The following PLEKHA2 variants were observed in gnomAD, a reference collection of about 807,000 sequenced individuals.
PLEKHA2 encodes the protein pleckstrin homology domain containing A2.
PLEKHA2 carries 28 observed loss-of-function variants against 53.2 expected under a neutral mutation model. That is an observed-to-expected ratio of 0.53 (90% CI 0.39 to 0.72). The LOEUF is 0.72. Ranked by LOEUF, PLEKHA2 falls within the 30% of genes least tolerant of loss-of-function variation. The pLI is 0.00. For missense variants in PLEKHA2, 426 were observed against 537.9 expected (o/e 0.79, Z 2.06); for synonymous variants, 193 against 196.4 (o/e 0.98, Z 0.14).
At chr8:38,953,437 C>T in intron 9 of PLEKHA2, 70 bp downstream of exon 9, 5 of 1,372,480 alleles carry the variant, frequency 3.6e-6, no homozygotes, top group South Asian at 1.2e-5. Context: ...CTTTACTACC[C>T]TTCAGAGACT....
At position 38,954,730 on chromosome 8, in the gene PLEKHA2, A is replaced by T. The variant is rs370886867; in HGVS notation, c.773+1363A>T. ...ATGTAGCCTGGTGCCGTTTTAAAAA[A>T]ATATATATCTTTTTAGGCCGGGCGT... On this transcript the variant is annotated intron_variant, in intron 9 of 11. Transcript: ENST00000617275. Among the ~76,000 whole-genome samples the T allele has an allele frequency of 5.5e-3, 842 of 152,260 alleles. 3 individuals carry two copies. The highest frequency in any genetic ancestry group is 8.8e-3 in the African/African-American group (365 of 41,562).
chr8:38,921,489 T>C (rs1834193097), intron 2 of PLEKHA2, among the ~76,000 whole-genome samples: 1 of 152,194 alleles, frequency 6.6e-6, no homozygotes, highest in South Asian at 2.1e-4. Flanking sequence ...TGGCACCATC[T>C]TGGAACTTGA....
intron 1 of PLEKHA2, among the ~76,000 whole-genome samples, chr8:38,914,630 C>T (rs1834004046): frequency 6.6e-6 from 1 of 152,204 alleles, no homozygotes; most frequent in African/African-American, 2.4e-5. Flanking sequence ...TGGGGTCTGA[C>T]CTTGAAAGTC....
At chr8:38,903,938 T>A (rs760378918) in intron 1 of PLEKHA2, among the ~76,000 whole-genome samples, 2 of 152,206 alleles carry the variant, frequency 1.3e-5, no homozygotes, top group Non-Finnish European at 2.9e-5. Context: ...CCGTTTTCCA[T>A]CTGTCTCAGT....
intron 9 of PLEKHA2, 77 bp from the exon 10 acceptor site, chr8:38,957,246 A>C: frequency 8.6e-7 from 1 of 1,157,312 alleles, no homozygotes; most frequent in Non-Finnish European, 1.3e-6. Flanking sequence ...GGTAGAGGGC[A>C]CTGGGGTCTT....
chr8:38,937,318 C>T (rs1834514635), intron 3 of PLEKHA2, among the ~76,000 whole-genome samples: 1 of 152,188 alleles, frequency 6.6e-6, no homozygotes, highest in South Asian at 2.1e-4. Context: ...CTCCCCGGGC[C>T]AGAGCAGCCA....
chr8:38,936,544 G>T (rs1226817837), intron 3 of PLEKHA2, among the ~76,000 whole-genome samples: 2 of 152,234 alleles, frequency 1.3e-5, no homozygotes, highest in Admixed American at 6.5e-5. Context: ...GCCCTGAGAA[G>T]CCACTCAGAT....
chr8:38,957,629 G>T (rs1289573643), intron 10 of PLEKHA2, among the ~76,000 whole-genome samples: 1 of 152,218 alleles, frequency 6.6e-6, no homozygotes, highest in Non-Finnish European at 1.5e-5. Context: ...GTGTGTACCA[G>T]TTGCTCTCAG....
chr8:38,964,184 C>G (rs1286982014), intron 10 of PLEKHA2, among the ~76,000 whole-genome samples: 1 of 152,004 alleles, frequency 6.6e-6, no homozygotes, highest in Non-Finnish European at 1.5e-5. Context: ...AAGCTTTATC[C>G]CCAAAGATGT....
chr8:38,969,298 G>A, intron 11 of PLEKHA2, 123 bp from the exon 12 acceptor site: 1 of 1,176,688 alleles, frequency 8.5e-7, no homozygotes, highest in African/African-American at 1.6e-5. Flanking sequence ...ATTTTTGTAG[G>A]CAAGCATCCT....
chr8:38,932,890 G>T (rs899942568), intron 2 of PLEKHA2, among the ~76,000 whole-genome samples: 57 of 152,324 alleles, frequency 3.7e-4, no homozygotes, highest in African/African-American at 1.3e-3. Flanking sequence ...ACTGTGGGTG[G>T]GGTGTGGGTG....
At chr8:38,908,873 G>A (rs1019574480) in intron 1 of PLEKHA2, among the ~76,000 whole-genome samples, 7 of 152,146 alleles carry the variant, frequency 4.6e-5, no homozygotes, top group African/African-American at 4.8e-5. Context: ...GGCCAGGCGC[G>A]GTGGCTCACG....
chr8:38,952,569 A>G (rs1016085143), intron 7 of PLEKHA2, 67 bp from the exon 8 acceptor site: 87 of 1,520,610 alleles, frequency 5.7e-5, no homozygotes, highest in Admixed American at 9.2e-5. Context: ...GGAGCTTAGC[A>G]TGAGTACACC....
In PLEKHA2 at chr8:38,973,538, T is replaced by C. The variant is rs186707064; in HGVS notation, c.*3755T>C. On this transcript the variant is annotated 3_prime_UTR_variant, in exon 12 of 12. Coordinates refer to ENST00000617275, the MANE Select transcript of PLEKHA2 (RefSeq NM_021623.2). Reference sequence around the variant, plus strand: ...CCAAGTGAGCTTTGTTTATAAACTTTCAAAATGTCGGAAGTGGACAGGTTT... The same window carrying C: ...CCAAGTGAGCTTTGTTTATAAACTTCCAAAATGTCGGAAGTGGACAGGTTT... 12 of 151,752 alleles carry C rather than the reference T, an allele frequency of 7.9e-5. No homozygotes were observed. The highest frequency in any genetic ancestry group is 1.2e-4 in the Non-Finnish European group (8 of 67,968). The allele number at this position is 151,752 out of a possible 1,614,324, so 9.4% of individuals were successfully genotyped here. A position where few individuals can be genotyped will look rare whatever the true frequency, so the allele number is the denominator to read the frequency against.
chr8:38,918,359 T>C (rs1046117383), intron 2 of PLEKHA2, among the ~76,000 whole-genome samples: 6 of 131,270 alleles, frequency 4.6e-5, no homozygotes, highest in African/African-American at 8.9e-5. Context: ...GCACACACCA[T>C]ATACACACCA....
chr8:38,967,704 C>T (rs1835166873), intron 10 of PLEKHA2, among the ~76,000 whole-genome samples: 1 of 151,722 alleles, frequency 6.6e-6, no homozygotes. Flanking sequence ...CTCTGTCACC[C>T]AGACTGGAGT....
intron 2 of PLEKHA2, among the ~76,000 whole-genome samples, chr8:38,919,661 T>TTTGTCTTCTA (rs1353770084): frequency 6.6e-6 from 1 of 152,218 alleles, no homozygotes; most frequent in African/African-American, 2.4e-5. Flanking sequence ...ATCTTGGGCA[T>TTTGTCTTCTA]TTGTCTTCTA....
chr8:38,950,465 T>C (rs1209367746), intron 5 of PLEKHA2: 1 of 167,876 alleles, frequency 6.0e-6, no homozygotes, highest in South Asian at 1.5e-4. Context: ...ATCTTCTTTG[T>C]GCCACTCACC....
At chr8:38,961,574 A>G (rs1340835473) in intron 10 of PLEKHA2, among the ~76,000 whole-genome samples, 1 of 152,184 alleles carries the variant, frequency 6.6e-6, no homozygotes, top group Non-Finnish European at 1.5e-5. Flanking sequence ...ATTGTGTTTT[A>G]CACAAAAGAT....
Sources: gnomAD v4.1 joint callset for allele counts (sites outside exome capture counted in the v4.1 genomes callset) on GRCh38, gnomAD v4.1.1 for gene constraint, MANE v1.5 for transcripts, NCBI Gene and HGNC (gene_info 2026-07-23, HGNC 2026-07-21) for gene names.